Variants in FAM117B observed in about 807,000 individuals in gnomAD.
FAM117B encodes the protein family with sequence similarity 117 member B, also known as protein FAM117B.
In FAM117B, 22 loss-of-function variants were observed where a neutral mutation model predicts 52.8. The observed-to-expected ratio is 0.42, with a 90% CI of 0.30 to 0.59. The LOEUF (loss-of-function observed/expected upper bound fraction) is 0.59. Ranked by LOEUF, FAM117B falls within the 20% of genes least tolerant of loss-of-function variation. FAM117B has a pLI of 0.22. For missense variants in FAM117B, 678 were observed against 802.6 expected, an observed-to-expected ratio of 0.84 and a Z score of 1.88; for synonymous variants, 309 against 324.1, an observed-to-expected ratio of 0.95 and a Z score of 0.50.
intron 2 of FAM117B, among the ~76,000 whole-genome samples, chr2:202,718,888 C>G (rs1422144308): frequency 6.6e-6 from 1 of 152,118 alleles, no homozygotes; most frequent in Non-Finnish European, 1.5e-5. Flanking sequence ...CCTTAGGGGA[C>G]TTCTATCATC....
chr2:202,744,025 G>T lies in FAM117B; in HGVS notation c.961-11513G>T, dbSNP rs893961721. Reference sequence around the variant, plus strand: ...GATATACAGATACAGGAAGTTCAAAGATCCCCAAATAGATTTAACCCAAAA... The same window carrying T: ...GATATACAGATACAGGAAGTTCAAATATCCCCAAATAGATTTAACCCAAAA... On this transcript the variant is annotated intron_variant, in intron 4 of 7. Coordinates refer to ENST00000392238, the MANE Select transcript of FAM117B (RefSeq NM_173511.4). Among the ~76,000 whole-genome samples the T allele has an allele frequency of 1.8e-4, 28 of 152,264 alleles. 1 individual carries two copies. The highest frequency in any genetic ancestry group is 6.7e-4 in the African/African-American group (28 of 41,548).
intron 1 of FAM117B, among the ~76,000 whole-genome samples, chr2:202,687,699 C>G (rs1690566167): frequency 6.6e-6 from 1 of 152,214 alleles, no homozygotes; most frequent in African/African-American, 2.4e-5. Context: ...GCGTGAGTCA[C>G]TGTACCCAGC....
rs753616688 is a variant in FAM117B at position 202,757,222 on chromosome 2, A to G, written c.1114A>G (p.Ile372Val). 1.7e-5 allele frequency: 27 copies of G among 1,613,866 alleles called. No homozygotes were observed. The highest frequency in any genetic ancestry group is 1.2e-4 in the South Asian group (11 of 91,066). ...TACAATTTTGTAACAGCCGCAAGAT[A>G]TTCCAGATGGCCATCGTGCTCCACC... is the stretch of plus-strand genomic sequence containing the variant. ...EKEEQLIPQD[I>V]PDGHRAPPPL... Residue 372 changes from isoleucine (I) to valine (V), a missense_variant, in exon 6 of 8, where the codon ATT becomes GTT. By Grantham distance (29) the Ile-to-Val change is conservative. This residue lies in a region of FAM117B where 583 missense variants were observed against 644.8 expected (regional missense o/e 0.90). Coordinates refer to ENST00000392238, the MANE Select transcript of FAM117B (RefSeq NM_173511.4).
Position 202,724,909 on chromosome 2 carries a change from C to A in FAM117B, c.754-8C>A, listed in dbSNP as rs1030301643. 4.4e-6 allele frequency: 7 copies of A among 1,581,138 alleles called. No individual in the cohort carries two copies. Among genetic ancestry groups the A allele is most frequent in the Non-Finnish European group, 6.0e-6 (7 of 1,165,334 alleles). ...GTTAAATACACCTCCCCTCTTTTTT[C>A]ATTACAGACAGAGAGTGCATGGGCT... is the stretch of plus-strand genomic sequence containing the variant. On this transcript the variant is annotated splice_polypyrimidine_tract_variant and splice_region_variant and intron_variant, in intron 2 of 7. Transcript: ENST00000392238.
intron 4 of FAM117B, among the ~76,000 whole-genome samples, chr2:202,742,297 A>G (rs187372457): frequency 6.6e-6 from 1 of 152,372 alleles, no homozygotes; most frequent in Non-Finnish European, 1.5e-5. Context: ...ATGTCAAAAC[A>G]TACTATAAAG....
At chr2:202,719,926 A>G (rs1249562444) in intron 2 of FAM117B, among the ~76,000 whole-genome samples, 6 of 152,110 alleles carry the variant, frequency 3.9e-5, no homozygotes, top group African/African-American at 1.4e-4. Flanking sequence ...ATAAGATTCA[A>G]TTTGTTACAT....
At chr2:202,720,516 G>T (rs1691133645) in intron 2 of FAM117B, among the ~76,000 whole-genome samples, 1 of 150,042 alleles carries the variant, frequency 6.7e-6, no homozygotes, top group South Asian at 2.1e-4. Flanking sequence ...TTTCTATATA[G>T]CTACAACAGC....
chr2:202,731,566 G>A lies in FAM117B; in HGVS notation c.960+5203G>A, dbSNP rs540068458. The stretch of plus-strand genomic sequence containing the variant: ...CTGCCTCAGCTTCCTGAGTAGCTGG[G>A]ATTACAGGCACCTACCACCATGCCC... On this transcript the variant is annotated intron_variant, in intron 4 of 7. Transcript: ENST00000392238. Among the ~76,000 whole-genome samples, 41 of 151,412 alleles carry A rather than the reference G, an allele frequency of 2.7e-4. No individual in the cohort carries two copies. The South Asian group carries it at 8.2e-3, about 30-fold the overall frequency.
At chr2:202,691,652 TG>T (rs1690626488) in intron 1 of FAM117B, among the ~76,000 whole-genome samples, 1 of 28,652 alleles carries the variant, frequency 3.5e-5, no homozygotes, top group Non-Finnish European at 5.9e-5. Flanking sequence ...GTTTACATTG[TG>T]TGTGTGTGTG....
At chr2:202,760,799 T>G (rs1691874943) in intron 7 of FAM117B, among the ~76,000 whole-genome samples, 1 of 152,166 alleles carries the variant, frequency 6.6e-6, no homozygotes, top group Non-Finnish European at 1.5e-5. Context: ...AGTGGAACCA[T>G]GTGTTTCTTT....
chr2:202,731,362 T>TATATATATATATATATATATAC lies in FAM117B; in HGVS notation c.960+5005_960+5006insATATATATATATATACATATAT, dbSNP rs1185524899. On this transcript the variant is annotated intron_variant, in intron 4 of 7. Coordinates refer to ENST00000392238, the MANE Select transcript of FAM117B (RefSeq NM_173511.4). Reference sequence around the variant, plus strand: ...ATATATATATATATATATATATATATATATATGGAGAGAGAGAGAAGCTCC... The same window carrying TATATATATATATATATATATAC: ...ATATATATATATATATATATATATATATATATATATATATATATATACATATATGGAGAGAGAGAGAAGCTCC... 7.6e-5 allele frequency among the ~76,000 whole-genome samples: 10 copies of TATATATATATATATATATATAC among 131,340 alleles called. 1 individual carries two copies. In the Admixed American group the frequency reaches 7.9e-4, roughly 10 times the overall value. The allele number at this position is 131,340 out of a possible 152,430, so 86.2% of individuals were successfully genotyped here.
intron 1 of FAM117B, among the ~76,000 whole-genome samples, chr2:202,659,397 C>T (rs565438900): frequency 6.6e-6 from 1 of 151,956 alleles, no homozygotes; most frequent in Non-Finnish European, 1.5e-5. Flanking sequence ...GCAGCCTCTA[C>T]CTCCTGGGCT....
intron 1 of FAM117B, among the ~76,000 whole-genome samples, chr2:202,654,060 AGT>A (rs1361323428): frequency 5.8e-5 from 7 of 121,094 alleles, no homozygotes; most frequent in East Asian, 4.3e-4. Flanking sequence ...GAAGAGAGTG[AGT>A]GAGAGAGAGA....
rs1419043723 is a variant in FAM117B at position 202,760,408 on chromosome 2, C to G, written c.1451+1055C>G. Among the ~76,000 whole-genome samples, 3 of 152,208 alleles carry G rather than the reference C, an allele frequency of 2.0e-5. No homozygotes were observed. The East Asian group carries it at 5.8e-4, about 29-fold the overall frequency. On this transcript the variant is annotated intron_variant, in intron 7 of 7. Coordinates refer to ENST00000392238, the MANE Select transcript of FAM117B (RefSeq NM_173511.4). ...CTGCTGAACCACTGTGATGTGGCAT[C>G]TCCTTTCACCGAATTCCACAACAGA...
intron 1 of FAM117B, among the ~76,000 whole-genome samples, chr2:202,694,187 T>C (rs1690674324): frequency 7.3e-6 from 1 of 137,422 alleles, no homozygotes; most frequent in African/African-American, 2.9e-5. Flanking sequence ...AAAACCCACT[T>C]CTTTTTTTTT....
chr2:202,691,707 G>GCA (rs1423778964), intron 1 of FAM117B, among the ~76,000 whole-genome samples: 4 of 149,844 alleles, frequency 2.7e-5, no homozygotes, highest in East Asian at 2.0e-4. Flanking sequence ...GTGCGCGCGC[G>GCA]CCTCCCCACC....
intron 4 of FAM117B, among the ~76,000 whole-genome samples, chr2:202,732,046 CTT>C (rs758181285): frequency 9.6e-5 from 13 of 134,928 alleles, no homozygotes; most frequent in Admixed American, 1.5e-4. Context: ...ATTTATTTTT[CTT>C]TTTTTTTTTT....
chr2:202,714,574 C>T (rs1358439531), intron 2 of FAM117B, among the ~76,000 whole-genome samples: 2 of 110,628 alleles, frequency 1.8e-5, no homozygotes, highest in Admixed American at 1.1e-4. Flanking sequence ...GGGTGTTTCT[C>T]GCAGAGGGGG....
At chr2:202,713,791 C>T (rs893877780) in intron 2 of FAM117B, among the ~76,000 whole-genome samples, 7 of 152,166 alleles carry the variant, frequency 4.6e-5, no homozygotes, top group Non-Finnish European at 8.8e-5. Context: ...ACTGCAACCT[C>T]CACCTCCTGG....
Sources: allele counts gnomAD v4.1 joint callset (sites outside exome capture counted in the v4.1 genomes callset), GRCh38; gene constraint gnomAD v4.1.1; regional missense constraint gnomAD v4.1.1; transcripts MANE v1.5; gene names NCBI Gene and HGNC (gene_info 2026-07-23, HGNC 2026-07-21).